The following SLC39A10 variants were observed in gnomAD, a reference collection of about 807,000 sequenced individuals.
The protein encoded by SLC39A10 is solute carrier family 39 member 10.
In SLC39A10, 13 loss-of-function variants were observed where a neutral mutation model predicts 65.1. The observed-to-expected ratio is 0.20, with a 90% CI of 0.13 to 0.32. The LOEUF (loss-of-function observed/expected upper bound fraction) is 0.32, where lower values mean the gene tolerates loss of function less well. Ranked by LOEUF, SLC39A10 falls within the 10% of genes least tolerant of loss-of-function variation. The pLI is 1.00. For synonymous variants in SLC39A10, 321 were observed against 342.2 expected (o/e 0.94, Z 0.68); for missense variants, 831 against 1,018.4 (o/e 0.82, Z 2.50).
At chr2:195,664,322 G>A (rs1009616781) in intron 1 of SLC39A10, among the ~76,000 whole-genome samples, 1 of 151,654 alleles carries the variant, frequency 6.6e-6, no homozygotes, top group African/African-American at 2.4e-5. Context: ...TAGATGTTAG[G>A]GGTTTTAGTT....
At chr2:195,717,908 G>T (rs974141554) in intron 7 of SLC39A10, among the ~76,000 whole-genome samples, 3 of 152,164 alleles carry the variant, frequency 2.0e-5, no homozygotes, top group Non-Finnish European at 4.4e-5. Context: ...GAGAGAGCAA[G>T]TACAATCTTA....
Position 195,635,706 on chromosome 2 carries a change from C to T in SLC39A10, c.-12+29473C>T, listed in dbSNP as rs568329583. 1.8e-4 allele frequency among the ~76,000 whole-genome samples: 7 copies of T among 39,048 alleles called. No individual in the cohort carries two copies. The Admixed American group carries it at 3.2e-3, about 18-fold the overall frequency. 25.6% of individuals were successfully genotyped at this position (39,048 alleles called of 152,430 possible). ...ATTGCTTTTTTTGTGGAACCCCCCCCACTTTTTTTTTTTTTTACTTGAAAG... is the reference window on the plus strand; with the variant it reads ...ATTGCTTTTTTTGTGGAACCCCCCCTACTTTTTTTTTTTTTTACTTGAAAG... On this transcript the variant is annotated intron_variant, in intron 2 of 2. Transcript: ENST00000458054.
At chr2:195,665,644 A>G (rs1270373855) in intron 1 of SLC39A10, among the ~76,000 whole-genome samples, 1 of 152,080 alleles carries the variant, frequency 6.6e-6, no homozygotes, top group African/African-American at 2.4e-5. Flanking sequence ...TAAAGAATCA[A>G]ATAGTTGTGT....
intron 5 of SLC39A10, among the ~76,000 whole-genome samples, chr2:195,711,491 T>A (rs534128115): frequency 1.3e-5 from 2 of 152,282 alleles, no homozygotes; most frequent in East Asian, 3.9e-4. Context: ...AATTCTCAAC[T>A]ATATCAGAGA....
intron 1 of SLC39A10, among the ~76,000 whole-genome samples, chr2:195,668,803 G>A (rs1444040023): frequency 6.6e-6 from 1 of 152,092 alleles, no homozygotes; most frequent in South Asian, 2.1e-4. Flanking sequence ...GGGTACTGTC[G>A]CTCGCACCCA....
At chr2:195,665,225 G>A (rs1689590382) in intron 1 of SLC39A10, among the ~76,000 whole-genome samples, 1 of 152,224 alleles carries the variant, frequency 6.6e-6, no homozygotes, top group Admixed American at 6.5e-5. Flanking sequence ...GCTGAGGCAG[G>A]AGAATTGCTT....
intron 2 of SLC39A10, among the ~76,000 whole-genome samples, chr2:195,620,493 A>G (rs1347266595): frequency 6.6e-6 from 1 of 152,122 alleles, no homozygotes; most frequent in Non-Finnish European, 1.5e-5. Flanking sequence ...GTTAAATATT[A>G]GAGTTACATT....
Position 195,665,014 on chromosome 2 carries a change from T to C in SLC39A10, c.-12+7733T>C, listed in dbSNP as rs555760489. Among the ~76,000 whole-genome samples, 6 of 152,098 alleles carry C rather than the reference T, an allele frequency of 3.9e-5. No individual in the cohort carries two copies. The South Asian group carries it at 1.2e-3, about 32-fold the overall frequency. On this transcript the variant is annotated intron_variant, in intron 1 of 9. Transcript: ENST00000359634. ...CCTGGGCAACATAGGGAAACCACCA[T>C]CTCGACAAAAAATTTAGCCCAGTGT...
chr2:195,704,063 T>C (rs1691299985), intron 3 of SLC39A10, among the ~76,000 whole-genome samples: 1 of 152,230 alleles, frequency 6.6e-6, no homozygotes, highest in Non-Finnish European at 1.5e-5. Flanking sequence ...TTATCAGGTG[T>C]TTACTTTGTA....
At chr2:195,617,711 T>TTTA (rs1447409538) in intron 2 of SLC39A10, among the ~76,000 whole-genome samples, 1 of 133,620 alleles carries the variant, frequency 7.5e-6, no homozygotes, top group African/African-American at 2.8e-5. Flanking sequence ...TTTCTTTTCT[T>TTTA]TTCTTTTCTT....
intron 4 of SLC39A10, among the ~76,000 whole-genome samples, chr2:195,707,892 A>C (rs1257662375): frequency 2.6e-5 from 4 of 152,200 alleles, no homozygotes; most frequent in African/African-American, 9.6e-5. Context: ...TAGAACGAAG[A>C]AAGATACCTA....
chr2:195,630,852 C>T (rs1436573023), intron 2 of SLC39A10, among the ~76,000 whole-genome samples: 1 of 152,164 alleles, frequency 6.6e-6, no homozygotes, highest in Non-Finnish European at 1.5e-5. Flanking sequence ...AATTAAAACA[C>T]CAAACATATT....
At chr2:195,672,604 C>CAATCTTTCCATAATTCCAT (rs1385993518) in intron 1 of SLC39A10, among the ~76,000 whole-genome samples, 1 of 152,124 alleles carries the variant, frequency 6.6e-6, no homozygotes, top group Non-Finnish European at 1.5e-5. Flanking sequence ...TTAGAGTACT[C>CAATCTTTCCATAATTCCAT]AAGATACTTA....
chr2:195,721,273 T>A (rs928307332), intron 8 of SLC39A10, among the ~76,000 whole-genome samples: 12 of 152,116 alleles, frequency 7.9e-5, no homozygotes, highest in African/African-American at 2.9e-4. Context: ...TCACTTCTTC[T>A]CTCTACCTAG....
At chr2:195,719,929 T>G (rs1691966135) in intron 8 of SLC39A10, among the ~76,000 whole-genome samples, 1 of 152,080 alleles carries the variant, frequency 6.6e-6, no homozygotes, top group Non-Finnish European at 1.5e-5. Flanking sequence ...TAGCTGCGAT[T>G]ACAGGCTTGT....
chr2:195,648,849 A>G (rs1028493837), intron 2 of SLC39A10, among the ~76,000 whole-genome samples: 1 of 152,218 alleles, frequency 6.6e-6, no homozygotes, highest in Non-Finnish European at 1.5e-5. Flanking sequence ...GTAGAATTAA[A>G]TGAGTTCCAT....
intron 1 of SLC39A10, among the ~76,000 whole-genome samples, chr2:195,665,673 A>G (rs773924326): frequency 7.2e-5 from 11 of 152,204 alleles, no homozygotes; most frequent in Non-Finnish European, 1.2e-4. Flanking sequence ...TTGGGGGGAA[A>G]AATCAGTCCC....
In SLC39A10 at chr2:195,735,353, T is replaced by A. The variant is rs1559055400; in HGVS notation, c.*312T>A. On this transcript the variant is annotated 3_prime_UTR_variant, in exon 10 of 10. Coordinates refer to ENST00000359634, the MANE Select transcript of SLC39A10 (RefSeq NM_020342.3). Reference sequence around the variant, plus strand: ...ACTAGTCTCTTTATTAGTAGAAACTTCTGTGGCTATGCAGAAATAGAGATC... The same window carrying A: ...ACTAGTCTCTTTATTAGTAGAAACTACTGTGGCTATGCAGAAATAGAGATC... 5.2e-6 allele frequency: 1 copy of A among 190,582 alleles called. No individual in the cohort carries two copies. The highest frequency in any genetic ancestry group is 1.1e-5 in the Non-Finnish European group (1 of 93,848). The allele number at this position is 190,582 out of a possible 1,614,324, so 11.8% of individuals were successfully genotyped here. A position where few individuals can be genotyped will look rare whatever the true frequency, so the allele number is the denominator to read the frequency against.
At chr2:195,621,565 C>T (rs1222141678) in intron 2 of SLC39A10, among the ~76,000 whole-genome samples, 1 of 152,148 alleles carries the variant, frequency 6.6e-6, no homozygotes, top group Non-Finnish European at 1.5e-5. Context: ...CATTTTCCTC[C>T]AAATACTTTG....
Sources: gnomAD v4.1 joint callset for allele counts (sites outside exome capture counted in the v4.1 genomes callset) on GRCh38, gnomAD v4.1.1 for gene constraint, MANE v1.5 for transcripts, NCBI Gene and HGNC (gene_info 2026-07-23, HGNC 2026-07-21) for gene names.